Variants in PPP1R3B observed in about 807,000 individuals in gnomAD.
The protein encoded by PPP1R3B is protein phosphatase 1 regulatory subunit 3B.
PPP1R3B carries 8 observed loss-of-function variants against 14.6 expected under a neutral mutation model. The observed-to-expected ratio is 0.55, with a 90% CI of 0.32 to 0.99. PPP1R3B has a LOEUF of 0.99. PPP1R3B is among the 50% of genes least tolerant of loss of function. The pLI is 0.04. For synonymous variants in PPP1R3B, 169 were observed against 142.0 expected, an observed-to-expected ratio of 1.19 and a Z score of -1.35; for missense variants, 452 against 360.1, an observed-to-expected ratio of 1.26 and a Z score of -2.07.
In PPP1R3B at chr8:9,140,734, A is replaced by C; in HGVS notation, c.*60T>G. 3.2e-6 allele frequency: 5 copies of C among 1,576,174 alleles called. No homozygotes were observed. The South Asian group carries it at 5.7e-5, about 18-fold the overall frequency. The stretch of plus-strand genomic sequence containing the variant: ...CTCCCTGGCCTTCCATCTCCACTGC[A>C]CAGTGAGCAGAGCTAGGCTTGTCTG... On this transcript the variant is annotated 3_prime_UTR_variant, in exon 2 of 2. Transcript: ENST00000310455.
Position 9,140,778 on chromosome 8 carries a change from C to T in PPP1R3B, c.*16G>A. The T allele has an allele frequency of 6.2e-7, 1 of 1,611,554 alleles. No individual in the cohort carries two copies. Among genetic ancestry groups the T allele is most frequent in the Non-Finnish European group, 8.5e-7 (1 of 1,178,334 alleles). On this transcript the variant is annotated 3_prime_UTR_variant, in exon 2 of 2. Transcript: ENST00000310455. ...TTGTCTGTGGCAGCTCCGCCACGCCCTGTCACCTGCAGTCACTAGTAGTAG... is the reference window on the plus strand; with the variant it reads ...TTGTCTGTGGCAGCTCCGCCACGCCTTGTCACCTGCAGTCACTAGTAGTAG...
At chr8:9,145,124 A>G (rs1289801943) in intron 1 of PPP1R3B, 4 of 152,008 alleles carry the variant, frequency 2.6e-5, no homozygotes, top group African/African-American at 9.7e-5. Flanking sequence ...AAAATATTAT[A>G]TATTTATATT....
At chr8:9,143,984 G>C (rs1386691772) in intron 1 of PPP1R3B, among the ~76,000 whole-genome samples, 1 of 151,874 alleles carries the variant, frequency 6.6e-6, no homozygotes. Flanking sequence ...TTCTTACAAA[G>C]CAATAATAAA....
chr8:9,151,152 C>T (rs963401771), upstream of PPP1R3B, among the ~76,000 whole-genome samples: 6 of 152,168 alleles, frequency 3.9e-5, no homozygotes, highest in African/African-American at 1.4e-4. Context: ...CAGCTGCGGT[C>T]CCTGGATCGC....
Position 9,141,306 on chromosome 8 carries a change from G to C in PPP1R3B, c.346C>G (p.Gln116Glu), listed in dbSNP as rs1227551643. The C allele has an allele frequency of 6.2e-7, 1 of 1,614,136 alleles. No homozygotes were observed. Among genetic ancestry groups the C allele is most frequent in the Non-Finnish European group, 8.5e-7 (1 of 1,180,038 alleles). Residue 116 changes from glutamine to glutamate, a missense_variant, in exon 2 of 2, where the codon CAG (glutamine) becomes GAG (glutamate). Gln to Glu is a conservative substitution (Grantham distance 29). Transcript: ENST00000310455. ...AAGTCTAAGTAATCTGCAGAGGGCT[G>C]GGAAAAATCCAGAACAAAGCTCTCG... ...ESESFVLDFS[Q>E]PSADYLDFRN...
In PPP1R3B at chr8:9,140,993, G is replaced by A. The variant is rs577715849; in HGVS notation, c.659C>T (p.Thr220Met). The change falls in exon 2 of 2, where the codon ACG (threonine) becomes ATG (methionine). Residue 220 changes from threonine (T) to methionine (M), a missense_variant. Transcript: ENST00000310455. ...CTTGCCTCTGTTGCTGTCCCAGTAC[G>A]TCTGTCCATTGCACTCGTAGTACAC... ...FAVYYECNGQTYWDSNRGKNY... is the reference protein window; with the variant it reads ...FAVYYECNGQMYWDSNRGKNY... The A allele has an allele frequency of 2.9e-5, 47 of 1,614,108 alleles. No individual in the cohort carries two copies. Among genetic ancestry groups the A allele is most frequent in the South Asian group, 1.3e-4 (12 of 91,074 alleles).
At chr8:9,149,366 G>A (rs1480999902) in intron 1 of PPP1R3B, among the ~76,000 whole-genome samples, 4 of 151,316 alleles carry the variant, frequency 2.6e-5, no homozygotes, top group South Asian at 4.2e-4. Flanking sequence ...AGCTGGGCGT[G>A]GTGGCGGGCG....
At chr8:9,151,097 G>A (rs889047409), upstream of PPP1R3B, among the ~76,000 whole-genome samples, 39 of 152,264 alleles carry the variant, frequency 2.6e-4, no homozygotes, top group African/African-American at 9.1e-4. Context: ...GGTCGCAGCC[G>A]GGCCCAGCAG....
intron 1 of PPP1R3B, 78 bp from the exon 2 acceptor site, chr8:9,141,746 C>T: frequency 7.3e-7 from 1 of 1,370,562 alleles, no homozygotes; most frequent in Non-Finnish European, 9.9e-7. Context: ...GGCATCATTC[C>T]AGCAGGGACT....
chr8:9,147,071 C>T (rs1265143341), intron 1 of PPP1R3B, among the ~76,000 whole-genome samples: 2 of 152,012 alleles, frequency 1.3e-5, no homozygotes, highest in African/African-American at 4.8e-5. Flanking sequence ...CAACCTCTGC[C>T]ATCCGGGTTC....
At chr8:9,147,472 T>G (rs1801276108) in intron 1 of PPP1R3B, among the ~76,000 whole-genome samples, 2 of 152,212 alleles carry the variant, frequency 1.3e-5, no homozygotes, top group East Asian at 3.9e-4. Flanking sequence ...CTCTTTGCAC[T>G]TCCAAGAAGC....
Position 9,140,857 on chromosome 8 carries a change from G to C in PPP1R3B, c.795C>G (p.Ser265=), listed in dbSNP as rs1268134247. 6.2e-7 allele frequency: 1 copy of C among 1,614,066 alleles called. No homozygotes were observed. Among genetic ancestry groups the C allele is most frequent in the Non-Finnish European group, 8.5e-7 (1 of 1,180,004 alleles). Residue 265 remains serine, a synonymous_variant, in exon 2 of 2, where the codon TCC becomes TCG. Coordinates refer to ENST00000310455, the MANE Select transcript of PPP1R3B (RefSeq NM_024607.4). ...SFDQFGSPRC[S]YGLFPEWPSY... ...TTGGCCACTCTGGAAACAGACCATA[G>C]GAACACCGAGGGCTTCCGAACTGGT...
rs1341511066 is a variant in PPP1R3B at position 9,139,469 on chromosome 8, C to A, written c.*1325G>T. 6.6e-6 allele frequency: 1 copy of A among 152,152 alleles called. No homozygotes were observed. Among genetic ancestry groups the A allele is most frequent in the African/African-American group, 2.4e-5 (1 of 41,434 alleles). 9.4% of individuals were successfully genotyped at this position (152,152 alleles called of 1,614,324 possible). On this transcript the variant is annotated 3_prime_UTR_variant, in exon 2 of 2. Transcript: ENST00000310455. Reference sequence around the variant, plus strand: ...CGATAAAACCATTTTCTGAAGGTTTCGAGGAGATATTGGATATGCAAATCA... The same window carrying A: ...CGATAAAACCATTTTCTGAAGGTTTAGAGGAGATATTGGATATGCAAATCA...
Position 9,138,223 on chromosome 8 carries a change from A to AT in PPP1R3B, c.*2570dup, listed in dbSNP as rs1285544995. 1 of 152,198 alleles carries AT rather than the reference A, an allele frequency of 6.6e-6. No homozygotes were observed. The highest frequency in any genetic ancestry group is 2.4e-5 in the African/African-American group (1 of 41,448). The allele number at this position is 152,198 out of a possible 1,614,324, so 9.4% of individuals were successfully genotyped here. On this transcript the variant is annotated 3_prime_UTR_variant, in exon 2 of 2. Transcript: ENST00000310455. ...ATTAATAGTTCTGATCACCAAATTT[A>AT]TAACATTTAAAGTACTGTCTGTTAC...
upstream of PPP1R3B, chr8:9,151,447 G>A (rs1408662123): frequency 2.4e-5 from 4 of 163,658 alleles, no homozygotes; most frequent in South Asian, 1.3e-4. Flanking sequence ...AGCTGGGCCC[G>A]GGCTCGGGTT....
intron 1 of PPP1R3B, among the ~76,000 whole-genome samples, chr8:9,147,132 C>G (rs544844641): frequency 6.6e-6 from 1 of 152,026 alleles, no homozygotes; most frequent in East Asian, 1.9e-4. Context: ...ACTCGTGCCA[C>G]CACCCCTGGG....
chr8:9,149,921 C>T (rs1306908729), intron 1 of PPP1R3B, among the ~76,000 whole-genome samples: 2 of 152,230 alleles, frequency 1.3e-5, no homozygotes, highest in African/African-American at 2.4e-5. Flanking sequence ...CTAAGAATGC[C>T]CGCACCTTGC....
intron 1 of PPP1R3B, among the ~76,000 whole-genome samples, chr8:9,142,032 T>TAA (rs1186641678): frequency 1.3e-5 from 2 of 152,246 alleles, no homozygotes; most frequent in Non-Finnish European, 2.9e-5. Context: ...TATACTGTTT[T>TAA]AAAATTTCCC....
rs1801005750 is a variant in PPP1R3B, at chr8:9,139,699, C to G, written c.*1095G>C. 1 of 152,226 alleles carries G rather than the reference C, an allele frequency of 6.6e-6. No homozygotes were observed. Among genetic ancestry groups the G allele is most frequent in the African/African-American group, 2.4e-5 (1 of 41,434 alleles). The allele number at this position is 152,226 out of a possible 1,614,324, so 9.4% of individuals were successfully genotyped here. On this transcript the variant is annotated 3_prime_UTR_variant, in exon 2 of 2. Transcript: ENST00000310455. Reference sequence around the variant, plus strand: ...AAGTAGCTGGGACTACAGGCGCCCGCCACCACGCCTGGCTAATTTTTTTGT... The same window carrying G: ...AAGTAGCTGGGACTACAGGCGCCCGGCACCACGCCTGGCTAATTTTTTTGT...
Sources: gnomAD v4.1 joint callset for allele counts (sites outside exome capture counted in the v4.1 genomes callset) on GRCh38, gnomAD v4.1.1 for gene constraint, MANE v1.5 for transcripts, NCBI Gene and HGNC (gene_info 2026-07-23, HGNC 2026-07-21) for gene names.